The following CD96 variants were observed in gnomAD, a reference collection of about 807,000 sequenced individuals.
CD96 encodes CD96 molecule.
Under a neutral mutation model 71.3 loss-of-function variants are expected in CD96, and 70 were observed. That is an observed-to-expected ratio of 0.98 (90% CI 0.81 to 1.20). The LOEUF (loss-of-function observed/expected upper bound fraction) is 1.20. Among genes scored for constraint, CD96 ranks in the 50% most tolerant of loss-of-function variants. The pLI, the probability that CD96 is intolerant of heterozygous loss-of-function variation, is 0.00. For missense variants in CD96, 742 were observed against 677.5 expected (o/e 1.10, Z -1.06); for synonymous variants, 248 against 233.0 (o/e 1.06, Z -0.59).
At chr3:111,633,468 C>T (rs1939172422) in intron 10 of CD96, among the ~76,000 whole-genome samples, 1 of 152,140 alleles carries the variant, frequency 6.6e-6, no homozygotes, top group Non-Finnish European at 1.5e-5. Context: ...CACCTATAGA[C>T]TTGCTTGACA....
chr3:111,664,347 G>A (rs944041997), intron 14 of CD96, among the ~76,000 whole-genome samples: 4 of 152,140 alleles, frequency 2.6e-5, no homozygotes, highest in Non-Finnish European at 5.9e-5. Context: ...ATGAAATCAT[G>A]TCCTTTGCAG....
At chr3:111,641,370 C>T (rs1002846268) in intron 12 of CD96, among the ~76,000 whole-genome samples, 2 of 152,214 alleles carry the variant, frequency 1.3e-5, no homozygotes, top group African/African-American at 4.8e-5. Context: ...ACAAAACAAA[C>T]TTTAAAGCAA....
intron 3 of CD96, chr3:111,570,525 C>T (rs577253166): frequency 1.8e-5 from 18 of 1,001,776 alleles, no homozygotes; most frequent in Admixed American, 2.5e-5. Context: ...AAATGGGACG[C>T]ATGTGTGTTA....
chr3:111,598,649 T>A (rs1383716475), intron 6 of CD96, among the ~76,000 whole-genome samples: 1 of 152,238 alleles, frequency 6.6e-6, no homozygotes, highest in African/African-American at 2.4e-5. Context: ...TACCTTTTTA[T>A]GTGAGAATCT....
At chr3:111,550,296 G>A in intron 2 of CD96, among the ~76,000 whole-genome samples, 1 of 152,106 alleles carries the variant, frequency 6.6e-6, no homozygotes, top group East Asian at 1.9e-4. Context: ...AGGAATGAGT[G>A]GGAGGCAAGG....
chr3:111,603,459 A>T (rs1220589713), intron 7 of CD96, among the ~76,000 whole-genome samples: 4 of 151,450 alleles, frequency 2.6e-5, no homozygotes, highest in Non-Finnish European at 5.9e-5. Context: ...AAAAAAAAAA[A>T]TCCCGCCCTG....
chr3:111,663,560 G>T (rs935660404), intron 14 of CD96, among the ~76,000 whole-genome samples: 1 of 152,080 alleles, frequency 6.6e-6, no homozygotes, highest in Non-Finnish European at 1.5e-5. Flanking sequence ...CAAAGGATAT[G>T]AACAGACATT....
At chr3:111,612,882 G>A in intron 8 of CD96, 1 of 936,692 alleles carries the variant, frequency 1.1e-6, no homozygotes, top group Non-Finnish European at 1.3e-6. Context: ...TCCTCAGTTG[G>A]AAATAAATTA....
intron 3 of CD96, chr3:111,571,141 C>T (rs2399393): frequency 0.11 from 74,984 of 654,158 alleles, 5,804 homozygotes; most frequent in East Asian, 0.32. Context: ...GTTCCCTCTA[C>T]CTGGGTCCCC....
chr3:111,570,224 G>A (rs1935914059), intron 3 of CD96, among the ~76,000 whole-genome samples: 1 of 152,182 alleles, frequency 6.6e-6, no homozygotes, highest in African/African-American at 2.4e-5. Flanking sequence ...CTGAGCAGCA[G>A]GGAGCCCTTA....
chr3:111,603,342 G>A (rs1320328739), intron 7 of CD96, among the ~76,000 whole-genome samples: 1 of 152,060 alleles, frequency 6.6e-6, no homozygotes, highest in African/African-American at 2.4e-5. Context: ...TACCTCGGGA[G>A]GCTGAGGTGG....
intron 10 of CD96, among the ~76,000 whole-genome samples, chr3:111,632,761 C>T (rs1939133845): frequency 6.6e-6 from 1 of 152,154 alleles, no homozygotes; most frequent in South Asian, 2.1e-4. Context: ...AAATGTAATA[C>T]ATATACACCA....
At chr3:111,621,786 G>T (rs766319236) in intron 8 of CD96, among the ~76,000 whole-genome samples, 1 of 152,126 alleles carries the variant, frequency 6.6e-6, no homozygotes, top group African/African-American at 2.4e-5. Flanking sequence ...ACCCCTCCCC[G>T]CATCGTATTA....
At chr3:111,649,125 G>A (rs879835826) in intron 13 of CD96, among the ~76,000 whole-genome samples, 6 of 152,178 alleles carry the variant, frequency 3.9e-5, no homozygotes, top group Non-Finnish European at 7.4e-5. Flanking sequence ...TTAGCAAAGA[G>A]GCTGTATGAA....
intron 10 of CD96, among the ~76,000 whole-genome samples, chr3:111,627,118 G>T (rs1576408692): frequency 6.6e-6 from 1 of 152,324 alleles, no homozygotes; most frequent in East Asian, 1.9e-4. Flanking sequence ...ATACTATGAA[G>T]CCAGCCAAAA....
At position 111,659,763 on chromosome 3, in the gene CD96, T is replaced by G. The variant is rs546126170; in HGVS notation, c.*53-5764T>G. Among the ~76,000 whole-genome samples the G allele has an allele frequency of 3.9e-5, 6 of 152,178 alleles. 1 individual carries two copies. The highest frequency in any genetic ancestry group is 1.4e-4 in the African/African-American group (6 of 41,514). Reference sequence around the variant, plus strand: ...ATAGGATTCACCACATAAACAGAATTAAAAGCAAGAGACATATGATCATCT... The same window carrying G: ...ATAGGATTCACCACATAAACAGAATGAAAAGCAAGAGACATATGATCATCT... On this transcript the variant is annotated intron_variant and NMD_transcript_variant, in intron 14 of 14. Coordinates refer to the CD96 transcript ENST00000494798.
chr3:111,624,211 A>C (rs747350650), intron 9 of CD96, 122 bp from the exon 10 acceptor site: 16 of 748,822 alleles, frequency 2.1e-5, no homozygotes, highest in Non-Finnish European at 3.8e-5. Flanking sequence ...CTGCATAGGG[A>C]AGCACATTTT....
At chr3:111,645,152 G>A (rs943533537) in intron 12 of CD96, among the ~76,000 whole-genome samples, 3 of 149,758 alleles carry the variant, frequency 2.0e-5, no homozygotes, top group African/African-American at 7.3e-5. Flanking sequence ...AAACCGTGGT[G>A]TATATATATA....
chr3:111,662,784 C>A lies in CD96; in HGVS notation c.*53-2743C>A, dbSNP rs748613309. ...CTATATCACTATCCACATTTTGGTC[C>A]ATTCAACAAGTTTCTAGGAAGTTCC... On this transcript the variant is annotated intron_variant and NMD_transcript_variant, in intron 14 of 14. Transcript: ENST00000494798. 2.0e-5 allele frequency among the ~76,000 whole-genome samples: 3 copies of A among 152,190 alleles called. 1 individual carries two copies. Among genetic ancestry groups the A allele is most frequent in the East Asian group, 3.8e-4 (2 of 5,196 alleles).
Sources: allele counts gnomAD v4.1 joint callset (sites outside exome capture counted in the v4.1 genomes callset), GRCh38; gene constraint gnomAD v4.1.1; transcripts MANE v1.5; gene names NCBI Gene and HGNC (gene_info 2026-07-23, HGNC 2026-07-21).